The following FAM53A variants were observed in gnomAD, a reference collection of about 807,000 sequenced individuals.
FAM53A encodes the protein protein FAM53A.
In FAM53A, 28 loss-of-function variants were observed where a neutral mutation model predicts 26.6. That is an observed-to-expected ratio of 1.05 (90% CI 0.78 to 1.45). The LOEUF (loss-of-function observed/expected upper bound fraction) is 1.45, where lower values mean the gene tolerates loss of function less well. Ranked by LOEUF, FAM53A falls within the 40% of genes most tolerant of loss-of-function variation. The pLI, the probability that FAM53A is intolerant of heterozygous loss-of-function variation, is 0.00. For synonymous variants in FAM53A, 290 were observed against 253.1 expected, an observed-to-expected ratio of 1.15 and a Z score of -1.38; for missense variants, 650 against 575.8, an observed-to-expected ratio of 1.13 and a Z score of -1.32.
chr4:1,598,588 C>T, the FAM53A span, among the ~76,000 whole-genome samples: 8 of 152,192 alleles, frequency 5.3e-5, no homozygotes, highest in Non-Finnish European at 1.0e-4. Context: ...TGCTGTCGTC[C>T]GATCCTTCTG....
At chr4:1,674,752 T>C (rs968327473) in intron 1 of FAM53A, among the ~76,000 whole-genome samples, 1 of 152,170 alleles carries the variant, frequency 6.6e-6, no homozygotes, top group African/African-American at 2.4e-5. Context: ...GGGTGCAGAC[T>C]TGAACATAAC....
chr4:1,600,756 A>G, the FAM53A span, among the ~76,000 whole-genome samples: 1 of 152,078 alleles, frequency 6.6e-6, no homozygotes, highest in Non-Finnish European at 1.5e-5. Flanking sequence ...TCCCAGGCTC[A>G]AGCGATCCTC....
chr4:1,602,411 A>G, the FAM53A span, among the ~76,000 whole-genome samples: 1 of 152,248 alleles, frequency 6.6e-6, no homozygotes, highest in Non-Finnish European at 1.5e-5. Context: ...TCTGGCCCAC[A>G]CAAAGGCTGC....
intron 4 of FAM53A, among the ~76,000 whole-genome samples, chr4:1,645,688 C>T (rs1712179368): frequency 1.3e-5 from 2 of 152,222 alleles, no homozygotes; most frequent in Non-Finnish European, 2.9e-5. Flanking sequence ...CAGCAGTGCG[C>T]CCCCTGCCCA....
the FAM53A span, among the ~76,000 whole-genome samples, chr4:1,603,300 A>C: frequency 6.6e-6 from 1 of 152,118 alleles, no homozygotes; most frequent in Non-Finnish European, 1.5e-5. Flanking sequence ...GGAGGGGAAG[A>C]GCCAGACCTT....
chr4:1,597,945 G>A, the FAM53A span, among the ~76,000 whole-genome samples: 2 of 152,244 alleles, frequency 1.3e-5, no homozygotes, highest in Non-Finnish European at 2.9e-5. Context: ...GCAGTGAGCT[G>A]AGATCGCACC....
At chr4:1,644,416 A>G in intron 4 of FAM53A, 1 of 1,502,584 alleles carries the variant, frequency 6.7e-7, no homozygotes, top group South Asian at 1.2e-5. Context: ...ACTTCTGCCC[A>G]CAGACACGGC....
At chr4:1,681,523 CT>C (rs36047639) in intron 1 of FAM53A, among the ~76,000 whole-genome samples, 11,824 of 139,194 alleles carry the variant, frequency 0.085, 1,313 homozygotes, top group African/African-American at 0.26. Flanking sequence ...AAACTCAAAT[CT>C]TTTTTTTTTT....
chr4:1,647,048 G>A (rs1275919262), intron 4 of FAM53A, among the ~76,000 whole-genome samples: 2 of 152,120 alleles, frequency 1.3e-5, no homozygotes, highest in African/African-American at 4.8e-5. Flanking sequence ...AGCTTCGCCA[G>A]TAAAAGCCGG....
chr4:1,654,073 G>A (rs575946932), intron 4 of FAM53A, among the ~76,000 whole-genome samples: 1 of 152,300 alleles, frequency 6.6e-6, no homozygotes, highest in South Asian at 2.1e-4. Context: ...AAGGCCACAG[G>A]TCATTGAGGA....
downstream of FAM53A, among the ~76,000 whole-genome samples, chr4:1,613,268 C>T (rs1714694604): frequency 6.6e-6 from 1 of 152,206 alleles, no homozygotes; most frequent in South Asian, 2.1e-4. Flanking sequence ...GGGGCGCCGG[C>T]AGGTTTGGTG....
the FAM53A span, among the ~76,000 whole-genome samples, chr4:1,610,996 G>A: frequency 6.6e-6 from 1 of 152,220 alleles, no homozygotes; most frequent in Non-Finnish European, 1.5e-5. Flanking sequence ...ACTGGCACCT[G>A]CTGGTTGCAC....
At chr4:1,598,638 A>G in the FAM53A span, among the ~76,000 whole-genome samples, 1 of 152,196 alleles carries the variant, frequency 6.6e-6, no homozygotes, top group Non-Finnish European at 1.5e-5. Context: ...TTCTCTGCAT[A>G]GTAATGTGTC....
chr4:1,594,763 A>C, the FAM53A span, among the ~76,000 whole-genome samples: 4 of 152,098 alleles, frequency 2.6e-5, no homozygotes, highest in African/African-American at 9.7e-5. Context: ...GGATCACTTG[A>C]GTGTAGGAGT....
chr4:1,615,314 AC>A, downstream of FAM53A, among the ~76,000 whole-genome samples: 1 of 111,548 alleles, frequency 9.0e-6, no homozygotes, highest in Non-Finnish European at 1.7e-5. Context: ...GGCCACACCC[AC>A]CCCACCTGGG....
At chr4:1,623,911 G>A (rs773338811) in intron 1 of FAM53A, among the ~76,000 whole-genome samples, 42 of 152,314 alleles carry the variant, frequency 2.8e-4, no homozygotes, top group Non-Finnish European at 4.7e-4. Context: ...GTGGGTGCCC[G>A]GCTGGGCACA....
At chr4:1,577,427 G>A in the FAM53A span, among the ~76,000 whole-genome samples, 2 of 151,928 alleles carry the variant, frequency 1.3e-5, no homozygotes, top group Non-Finnish European at 2.9e-5. Context: ...CACAGGGTGC[G>A]GGGTGGTAGG....
chr4:1,684,940 T>C (rs1399516236), upstream of FAM53A, among the ~76,000 whole-genome samples: 1 of 152,100 alleles, frequency 6.6e-6, no homozygotes, highest in Admixed American at 6.5e-5. Context: ...GACCGGACTC[T>C]TGGGGGGTCC....
At position 1,659,624 on chromosome 4, in the gene FAM53A, G is replaced by A. The variant is rs1455487267; in HGVS notation, c.76-2156C>T. On this transcript the variant is annotated intron_variant, in intron 2 of 4. Coordinates refer to ENST00000308132, the MANE Select transcript of FAM53A (RefSeq NM_001174070.3). The surrounding 1 kb of genome is among the most constrained non-coding windows in gnomAD (Gnocchi z 5.2). ...GGTGCAGCAGACAAACAGAGCCAGG[G>A]TCCCCGGGAGACAGGAAAGGCTGGG... Among the ~76,000 whole-genome samples the A allele has an allele frequency of 1.3e-5, 2 of 152,268 alleles. No individual in the cohort carries two copies. The highest frequency in any genetic ancestry group is 1.9e-4 in the East Asian group (1 of 5,176).
Sources: allele counts gnomAD v4.1 joint callset (sites outside exome capture counted in the v4.1 genomes callset), GRCh38; gene constraint gnomAD v4.1.1; non-coding constraint Gnocchi (gnomAD v3.1); transcripts MANE v1.5; gene names NCBI Gene and HGNC (gene_info 2026-07-23, HGNC 2026-07-21).